SCHIP1: variants seen among roughly 807,000 people sequenced by gnomAD.
SCHIP1 encodes the protein schwannomin-interacting protein 1.
A neutral mutation model predicts 29.7 loss-of-function variants in SCHIP1; 8 were observed. The ratio of observed to expected loss-of-function variants is 0.27; its 90% CI spans 0.16 to 0.49. The LOEUF is 0.49. Among genes scored for constraint, SCHIP1 ranks in the 20% least tolerant of loss-of-function variants. SCHIP1 has a pLI of 0.99. For missense variants in SCHIP1, 193 were observed against 294.6 expected (o/e 0.66, Z 2.52); for synonymous variants, 76 against 94.9 (o/e 0.80, Z 1.16).
chr3:159,287,677 A>G, the SCHIP1 span, among the ~76,000 whole-genome samples: 1,318 of 152,302 alleles, frequency 8.7e-3, 17 homozygotes, highest in African/African-American at 0.031. Flanking sequence ...TTATAATTAT[A>G]GCAATCCTAT....
At chr3:159,599,938 C>T in the SCHIP1 span, among the ~76,000 whole-genome samples, 1 of 152,154 alleles carries the variant, frequency 6.6e-6, no homozygotes, top group Non-Finnish European at 1.5e-5. Flanking sequence ...ATTTTCTTGT[C>T]TGGAAGACTA....
chr3:159,346,331 AT>A, the SCHIP1 span, among the ~76,000 whole-genome samples: 5 of 146,758 alleles, frequency 3.4e-5, no homozygotes, highest in Non-Finnish European at 7.4e-5. Context: ...ATTTGGAAGG[AT>A]TTTGCTACAG....
intron 1 of SCHIP1, among the ~76,000 whole-genome samples, chr3:159,853,961 A>G (rs990031948): frequency 9.3e-5 from 14 of 150,752 alleles, no homozygotes; most frequent in African/African-American, 3.4e-4. Context: ...ATATATTTTG[A>G]GAATGTTTTA....
the SCHIP1 span, among the ~76,000 whole-genome samples, chr3:159,514,527 G>A: frequency 9.9e-5 from 15 of 152,266 alleles, no homozygotes; most frequent in South Asian, 8.3e-4. Flanking sequence ...GAATGAATGC[G>A]TCAGCTTCAT....
the SCHIP1 span, among the ~76,000 whole-genome samples, chr3:159,607,042 C>T: frequency 6.6e-6 from 1 of 152,218 alleles, no homozygotes; most frequent in Admixed American, 6.5e-5. Flanking sequence ...TTCTTAGAAA[C>T]TTAAAACCCT....
At chr3:159,448,702 C>T in the SCHIP1 span, among the ~76,000 whole-genome samples, 3 of 152,106 alleles carry the variant, frequency 2.0e-5, no homozygotes, top group Admixed American at 6.6e-5. Context: ...ACGAAACTAT[C>T]ATTTTGTAGA....
At chr3:159,734,115 G>GTTA in the SCHIP1 span, among the ~76,000 whole-genome samples, 2 of 123,886 alleles carry the variant, frequency 1.6e-5, no homozygotes, top group African/African-American at 6.0e-5. Flanking sequence ...GTACCATATT[G>GTTA]TTATTATTAT....
the SCHIP1 span, among the ~76,000 whole-genome samples, chr3:159,826,990 C>G: frequency 6.6e-6 from 1 of 152,144 alleles, no homozygotes; most frequent in African/African-American, 2.4e-5. Flanking sequence ...AGCATAATTT[C>G]CTGATCAGTA....
the SCHIP1 span, among the ~76,000 whole-genome samples, chr3:159,783,687 T>G: frequency 6.6e-6 from 1 of 152,208 alleles, no homozygotes; most frequent in South Asian, 2.1e-4. Flanking sequence ...GGGAAGAAGC[T>G]GTTTAAATCC....
At chr3:159,857,258 G>A (rs1713494760) in intron 1 of SCHIP1, among the ~76,000 whole-genome samples, 1 of 152,158 alleles carries the variant, frequency 6.6e-6, no homozygotes, top group Non-Finnish European at 1.5e-5. Flanking sequence ...TGAAATGCAA[G>A]TGTGTTAGAT....
the SCHIP1 span, among the ~76,000 whole-genome samples, chr3:159,511,623 A>G: frequency 6.6e-6 from 1 of 151,816 alleles, no homozygotes; most frequent in Non-Finnish European, 1.5e-5. Flanking sequence ...ACCCTGAGCC[A>G]TTATAATTTT....
chr3:159,629,562 T>A, the SCHIP1 span, among the ~76,000 whole-genome samples: 1 of 152,170 alleles, frequency 6.6e-6, no homozygotes. Flanking sequence ...ATTTCCAGAA[T>A]GAAAGTGACT....
chr3:159,275,058 G>A, the SCHIP1 span: 1 of 973,826 alleles, frequency 1.0e-6, no homozygotes, highest in African/African-American at 1.8e-5. Context: ...CTTACATTTT[G>A]ACAGTGTATG....
At chr3:159,579,986 G>A in the SCHIP1 span, among the ~76,000 whole-genome samples, 1 of 152,094 alleles carries the variant, frequency 6.6e-6, no homozygotes, top group Admixed American at 6.6e-5. Flanking sequence ...AATAACTTGT[G>A]TTCAGATTTC....
intron 2 of SCHIP1, among the ~76,000 whole-genome samples, chr3:159,871,361 G>T (rs973704343): frequency 7.7e-6 from 1 of 130,406 alleles, no homozygotes. Context: ...TTGTTTGTTG[G>T]GGGGGGTGGG....
rs930208147 is a variant in SCHIP1, at chr3:159,861,619, C to T, written c.31-4544C>T. On this transcript the variant is annotated intron_variant, in intron 1 of 6. Coordinates refer to ENST00000445224, the Ensembl canonical transcript of SCHIP1. This position sits in a 1 kb window ranked among gnomAD's most constrained non-coding sequence, Gnocchi z 4.1. ...ACAAAAACTTCCTGGGGCTGAATAG[C>T]GGTGAGTTTCTAATCACATTTTTAC... Among the ~76,000 whole-genome samples the T allele has an allele frequency of 5.9e-5, 9 of 152,172 alleles. No homozygotes were observed. Among genetic ancestry groups the T allele is most frequent in the Admixed American group, 1.3e-4 (2 of 15,280 alleles).
chr3:159,462,708 A>G, the SCHIP1 span, among the ~76,000 whole-genome samples: 1 of 152,112 alleles, frequency 6.6e-6, no homozygotes, highest in Non-Finnish European at 1.5e-5. Flanking sequence ...TAAACTTTTC[A>G]TTGTTCCCTC....
chr3:159,653,052 C>T, the SCHIP1 span, among the ~76,000 whole-genome samples: 2 of 152,034 alleles, frequency 1.3e-5, no homozygotes, highest in Non-Finnish European at 2.9e-5. Context: ...ATCAAGGGTA[C>T]AAATATACAG....
the SCHIP1 span, among the ~76,000 whole-genome samples, chr3:159,418,536 T>G: frequency 2.6e-5 from 4 of 152,250 alleles, no homozygotes; most frequent in African/African-American, 9.6e-5. Flanking sequence ...TTACAGGAAT[T>G]TGATATTTAT....
Sources: allele counts gnomAD v4.1 joint callset (sites outside exome capture counted in the v4.1 genomes callset), GRCh38; gene constraint gnomAD v4.1.1; non-coding constraint Gnocchi (gnomAD v3.1); transcripts MANE v1.5; gene names NCBI Gene and HGNC (gene_info 2026-07-23, HGNC 2026-07-21).